Variants in TRIM9 observed in about 807,000 individuals in gnomAD.
TRIM9 encodes tripartite motif containing 9.
A neutral mutation model predicts 78.3 loss-of-function variants in TRIM9; 26 were observed. The observed-to-expected ratio is 0.33, with a 90% confidence interval of 0.24 to 0.46. The LOEUF is 0.46. TRIM9 is among the 20% of genes least tolerant of loss of function. The probability of loss-of-function intolerance (pLI) is 1.00; values close to 1 mark genes in which losing one functional copy is unlikely to be tolerated. For synonymous variants in TRIM9, 398 were observed against 416.5 expected, an observed-to-expected ratio of 0.96 and a Z score of 0.54; for missense variants, 787 against 1,036.4, an observed-to-expected ratio of 0.76 and a Z score of 3.30.
rs761891928 is a variant in TRIM9, at chr14:51,010,512, A to C, written c.1042-18T>G. 8.2e-6 allele frequency: 13 copies of C among 1,581,936 alleles called. No individual in the cohort carries two copies. Among genetic ancestry groups the C allele is most frequent in the South Asian group, 1.1e-5 (1 of 89,834 alleles). On this transcript the variant is annotated intron_variant, in intron 3 of 12. Transcript: ENST00000684578. ...CGAACCACCTAGGATTAAAAAAAAA[A>C]CAACAGAACAGTCCAAGATGGCAGA...
At chr14:51,071,027 T>C (rs1376946580) in intron 1 of TRIM9, among the ~76,000 whole-genome samples, 1 of 152,050 alleles carries the variant, frequency 6.6e-6, no homozygotes, top group Non-Finnish European at 1.5e-5. Flanking sequence ...GGAATACATT[T>C]ACATTTCGGG....
chr14:51,021,063 T>A (rs1310171605), intron 3 of TRIM9, among the ~76,000 whole-genome samples: 1 of 152,236 alleles, frequency 6.6e-6, no homozygotes, highest in Non-Finnish European at 1.5e-5. Flanking sequence ...CATTTGTGGT[T>A]TTATTTTATA....
chr14:51,007,048 A>G (rs58263123), intron 5 of TRIM9, among the ~76,000 whole-genome samples: 5,735 of 152,188 alleles, frequency 0.038, 184 homozygotes, highest in African/African-American at 0.076. Flanking sequence ...CAGGAGGGCA[A>G]TGAATGGGGG....
chr14:51,087,663 C>T (rs758486239), intron 1 of TRIM9, among the ~76,000 whole-genome samples: 2 of 152,074 alleles, frequency 1.3e-5, no homozygotes, highest in Non-Finnish European at 2.9e-5. Flanking sequence ...TAAAAATTGA[C>T]CCAAAATGTC....
chr14:50,987,760 A>G (rs75164702), intron 7 of TRIM9, among the ~76,000 whole-genome samples: 33,673 of 152,002 alleles, frequency 0.22, 4,685 homozygotes, highest in South Asian at 0.49. Context: ...ATTTACAACT[A>G]TATTTATGTC....
intron 1 of TRIM9, among the ~76,000 whole-genome samples, chr14:51,055,520 A>T (rs2060826178): frequency 6.6e-6 from 1 of 152,248 alleles, no homozygotes. Flanking sequence ...GGTAGAGGGA[A>T]GCAGAAGAGA....
chr14:51,076,078 G>A (rs1173450253), intron 1 of TRIM9, among the ~76,000 whole-genome samples: 1 of 152,214 alleles, frequency 6.6e-6, no homozygotes, highest in East Asian at 1.9e-4. Flanking sequence ...CAAATGCTGG[G>A]CAACTTTTCA....
chr14:51,038,948 G>A (rs1371805882), intron 1 of TRIM9, among the ~76,000 whole-genome samples: 3 of 152,216 alleles, frequency 2.0e-5, no homozygotes, highest in African/African-American at 4.8e-5. Context: ...ATCAGCTAAT[G>A]TCTTCCCCTG....
intron 7 of TRIM9, among the ~76,000 whole-genome samples, chr14:50,986,963 C>T (rs2139362388): frequency 6.6e-6 from 1 of 152,282 alleles, no homozygotes. Context: ...TTTAGAAGGG[C>T]ATGAGTTAGT....
At chr14:51,084,403 C>T (rs555315844) in intron 1 of TRIM9, among the ~76,000 whole-genome samples, 3 of 152,310 alleles carry the variant, frequency 2.0e-5, no homozygotes, top group African/African-American at 7.2e-5. Context: ...GATAGATTCA[C>T]TTCCATAATG....
At chr14:51,029,941 A>T (rs2058587846) in intron 1 of TRIM9, among the ~76,000 whole-genome samples, 1 of 152,240 alleles carries the variant, frequency 6.6e-6, no homozygotes, top group Non-Finnish European at 1.5e-5. Context: ...GAGCATGTAC[A>T]ACCAGAGAAG....
chr14:50,978,829 C>T, intron 12 of TRIM9: 1 of 890,186 alleles, frequency 1.1e-6, no homozygotes, highest in African/African-American at 1.8e-5. Flanking sequence ...TAAAGGCATT[C>T]TATAGATATT....
Position 50,986,128 on chromosome 14 carries a change from T to C in TRIM9, c.1620A>G (p.Glu540=), listed in dbSNP as rs542932314. The C allele has an allele frequency of 2.0e-6, 3 of 1,530,912 alleles. No individual in the cohort carries two copies. The East Asian group carries it at 7.4e-5, about 38-fold the overall frequency. 94.8% of individuals were successfully genotyped at this position (1,530,912 alleles called of 1,614,324 possible). A position where few individuals can be genotyped will look rare whatever the true frequency, so the allele number is the denominator to read the frequency against. Residue 540 remains glutamate (E), a synonymous_variant, in exon 8 of 13, where the codon GAA becomes GAG. Transcript: ENST00000684578. The part of the protein sequence containing the change: ...LQTSEDTDSE[E]QTLPFPVPSE... Reference sequence around the variant, plus strand: ...AAGGCACTGGAAAAGGGAGGGTCTGTTCTTCTGAATCTGTGTCTAAATGTA... The same window carrying C: ...AAGGCACTGGAAAAGGGAGGGTCTGCTCTTCTGAATCTGTGTCTAAATGTA...
chr14:51,018,478 G>A (rs546175207), intron 3 of TRIM9, among the ~76,000 whole-genome samples: 29 of 152,138 alleles, frequency 1.9e-4, no homozygotes, highest in South Asian at 1.5e-3. Flanking sequence ...TATCCGTAAC[G>A]TAAATTTGTG....
chr14:51,050,936 T>C lies in TRIM9; in HGVS notation c.823-25576A>G, dbSNP rs151195993. On this transcript the variant is annotated intron_variant, in intron 1 of 12. Coordinates refer to ENST00000684578, the MANE Select transcript of TRIM9 (RefSeq NM_001387360.1). ...ACTATAGTAGCAACTGGTATCTGAA[T>C]GCAACCTCACGGGAGACTCCAACAG... Among the ~76,000 whole-genome samples, 236 of 152,284 alleles carry C rather than the reference T, an allele frequency of 1.5e-3. 3 individuals are homozygous for C. Among genetic ancestry groups the C allele is most frequent in the Admixed American group, 0.013 (198 of 15,304 alleles).
intron 3 of TRIM9, among the ~76,000 whole-genome samples, chr14:51,021,122 A>T (rs2057719191): frequency 6.6e-6 from 1 of 152,170 alleles, no homozygotes; most frequent in Admixed American, 6.5e-5. Context: ...ATAACAATAA[A>T]AGTTTTGGGT....
chr14:50,992,901 A>G (rs1169700461), intron 7 of TRIM9, among the ~76,000 whole-genome samples: 1 of 152,212 alleles, frequency 6.6e-6, no homozygotes, highest in Non-Finnish European at 1.5e-5. Flanking sequence ...CATTAGATAA[A>G]ACAATCCTGA....
At chr14:51,071,797 C>T (rs780451421) in intron 1 of TRIM9, among the ~76,000 whole-genome samples, 29 of 152,132 alleles carry the variant, frequency 1.9e-4, no homozygotes, top group Non-Finnish European at 3.5e-4. Flanking sequence ...CAGAGTGAGC[C>T]CTGTCTCAAA....
intron 1 of TRIM9, among the ~76,000 whole-genome samples, chr14:51,044,963 T>C (rs1001231093): frequency 6.6e-6 from 1 of 152,182 alleles, no homozygotes; most frequent in African/African-American, 2.4e-5. Flanking sequence ...GTAGTATACC[T>C]TAGGGTTGGT....
Sources: gnomAD v4.1 joint callset for allele counts (sites outside exome capture counted in the v4.1 genomes callset) on GRCh38, gnomAD v4.1.1 for gene constraint, MANE v1.5 for transcripts, NCBI Gene and HGNC (gene_info 2026-07-23, HGNC 2026-07-21) for gene names.